TDRD3: variants seen among roughly 807,000 people sequenced by gnomAD.
The protein encoded by TDRD3 is tudor domain-containing protein 3.
A neutral mutation model predicts 86.7 loss-of-function variants in TDRD3; 45 were observed. The observed-to-expected ratio is 0.52, with a 90% CI of 0.41 to 0.67. The LOEUF is 0.67. Ranked by LOEUF, TDRD3 falls within the 30% of genes least tolerant of loss-of-function variation. The probability of loss-of-function intolerance (pLI) is 0.00; values close to 1 mark genes in which losing one functional copy is unlikely to be tolerated. For synonymous variants in TDRD3, 298 were observed against 301.7 expected (o/e 0.99, Z 0.13); for missense variants, 814 against 889.0 (o/e 0.92, Z 1.07).
chr13:60,408,188 G>C (rs1954279357), intron 1 of TDRD3, among the ~76,000 whole-genome samples: 1 of 152,150 alleles, frequency 6.6e-6, no homozygotes, highest in Admixed American at 6.6e-5. Context: ...TGTAAAAAGT[G>C]CCTTTCACCT....
At chr13:60,440,573 C>T (rs1461262799) in intron 2 of TDRD3, among the ~76,000 whole-genome samples, 3 of 151,852 alleles carry the variant, frequency 2.0e-5, no homozygotes, top group Admixed American at 1.3e-4. Context: ...TCCAGCTACT[C>T]GGGAGGCTGA....
chr13:60,404,537 C>T (rs1257388895), intron 1 of TDRD3, among the ~76,000 whole-genome samples: 1 of 151,792 alleles, frequency 6.6e-6, no homozygotes, highest in Non-Finnish European at 1.5e-5. Context: ...GTCTCGATCT[C>T]CTGACCTCGT....
intron 8 of TDRD3, among the ~76,000 whole-genome samples, chr13:60,504,488 C>T (rs547405121): frequency 7.2e-5 from 11 of 152,338 alleles, no homozygotes; most frequent in Admixed American, 1.3e-4. Flanking sequence ...AACCTAGTAT[C>T]TGACTTGTAT....
At chr13:60,408,307 T>G (rs1671514465) in intron 1 of TDRD3, among the ~76,000 whole-genome samples, 1 of 152,198 alleles carries the variant, frequency 6.6e-6, no homozygotes, top group Admixed American at 6.5e-5. Context: ...GAAAAAGAAC[T>G]AATATAGTAA....
intron 1 of TDRD3, among the ~76,000 whole-genome samples, chr13:60,414,111 C>T (rs1185188639): frequency 6.6e-6 from 1 of 151,726 alleles, no homozygotes; most frequent in Non-Finnish European, 1.5e-5. Flanking sequence ...TTGCCCTCCT[C>T]AAAAATTAAA....
intron 1 of TDRD3, among the ~76,000 whole-genome samples, chr13:60,411,467 T>C (rs1287773493): frequency 6.6e-6 from 1 of 152,224 alleles, no homozygotes; most frequent in Non-Finnish European, 1.5e-5. Context: ...TTAAGCAAAA[T>C]GCAAAAGCAG....
At chr13:60,476,335 A>C (rs1432690749) in intron 5 of TDRD3, among the ~76,000 whole-genome samples, 4 of 152,186 alleles carry the variant, frequency 2.6e-5, no homozygotes, top group Non-Finnish European at 5.9e-5. Flanking sequence ...AGCTGTGTCA[A>C]AGATCAGGCG....
At chr13:60,531,299 C>T (rs773170374) in intron 11 of TDRD3, among the ~76,000 whole-genome samples, 43 of 152,136 alleles carry the variant, frequency 2.8e-4, no homozygotes, top group Non-Finnish European at 4.7e-4. Flanking sequence ...GACTACTTTC[C>T]AAAATTCAGG....
chr13:60,472,180 A>G (rs978166150), intron 5 of TDRD3, among the ~76,000 whole-genome samples: 1 of 152,056 alleles, frequency 6.6e-6, no homozygotes, highest in Non-Finnish European at 1.5e-5. Flanking sequence ...ATTGATTTTT[A>G]TATGTCGAAG....
At chr13:60,461,618 A>C (rs957458273) in intron 4 of TDRD3, among the ~76,000 whole-genome samples, 2 of 152,144 alleles carry the variant, frequency 1.3e-5, no homozygotes, top group Admixed American at 1.3e-4. Flanking sequence ...TTTTCTCTTG[A>C]GCAGGCATTT....
At chr13:60,451,729 C>T (rs958243677) in intron 3 of TDRD3, among the ~76,000 whole-genome samples, 1 of 152,074 alleles carries the variant, frequency 6.6e-6, no homozygotes, top group Non-Finnish European at 1.5e-5. Context: ...ATGTTACCTT[C>T]AGTATTGTAT....
chr13:60,406,053 T>A (rs996837904), intron 1 of TDRD3, among the ~76,000 whole-genome samples: 3 of 152,158 alleles, frequency 2.0e-5, no homozygotes, highest in African/African-American at 7.2e-5. Flanking sequence ...ACGGTCGCAT[T>A]TTTGGGGGTT....
At position 60,406,179 on chromosome 13, in the gene TDRD3, G is replaced by C. The variant is rs141601692; in HGVS notation, c.41+8774G>C. ...GCACTCAGAAGAGAAGACTGGGCTA[G>C]AGATAAATTTGGAGTCATTCCAGTA... On this transcript the variant is annotated intron_variant, in intron 1 of 13. Coordinates refer to ENST00000377881, the MANE Select transcript of TDRD3 (RefSeq NM_001146070.2). Among the ~76,000 whole-genome samples, 1,412 of 152,254 alleles carry C rather than the reference G, an allele frequency of 9.3e-3. 11 individuals carry two copies. Among genetic ancestry groups the C allele is most frequent in the Middle Eastern group, 0.041 (12 of 294 alleles).
At position 60,524,823 on chromosome 13, in the gene TDRD3, G is replaced by A. The variant is rs528974964; in HGVS notation, c.1142-3544G>A. ...TTTAAAAAACACAATTTTCGGCCAG[G>A]CGCAGTGGCTCACACCTGTAATCCG... On this transcript the variant is annotated intron_variant, in intron 10 of 13. Coordinates refer to ENST00000377881, the MANE Select transcript of TDRD3 (RefSeq NM_001146070.2). Among the ~76,000 whole-genome samples the A allele has an allele frequency of 2.0e-4, 30 of 151,774 alleles. No homozygotes were observed. In the South Asian group the frequency reaches 6.0e-3, roughly 31 times the overall value.
chr13:60,413,479 A>G (rs1329421429), intron 1 of TDRD3, among the ~76,000 whole-genome samples: 1 of 152,202 alleles, frequency 6.6e-6, no homozygotes, highest in Non-Finnish European at 1.5e-5. Context: ...TTGCTTATCT[A>G]TAAAATGGTG....
intron 8 of TDRD3, among the ~76,000 whole-genome samples, chr13:60,507,690 T>C (rs1387598292): frequency 6.6e-6 from 1 of 151,984 alleles, no homozygotes; most frequent in African/African-American, 2.4e-5. Flanking sequence ...TTTAAAGCAA[T>C]TTGTAGAGGG....
At chr13:60,499,733 G>A (rs139574259) in intron 8 of TDRD3, among the ~76,000 whole-genome samples, 17 of 152,306 alleles carry the variant, frequency 1.1e-4, no homozygotes, top group Admixed American at 4.6e-4. Flanking sequence ...GGTGTGGGGC[G>A]TGTTGAGATA....
At chr13:60,424,178 T>C (rs751796240) in intron 1 of TDRD3, among the ~76,000 whole-genome samples, 6 of 151,444 alleles carry the variant, frequency 4.0e-5, no homozygotes, top group East Asian at 4.0e-4. Flanking sequence ...CCCGCCACCA[T>C]GCCCGGCTAA....
Position 60,419,094 on chromosome 13 carries a change from A to G in TDRD3, c.42-20594A>G, listed in dbSNP as rs1047740825. On this transcript the variant is annotated intron_variant, in intron 1 of 13. Coordinates refer to ENST00000377881, the MANE Select transcript of TDRD3 (RefSeq NM_001146070.2). Reference sequence around the variant, plus strand: ...GAGTGAAATTGCTGGGCCATAGGGCACATTTTTGTTTAACTTTATAGGAAA... The same window carrying G: ...GAGTGAAATTGCTGGGCCATAGGGCGCATTTTTGTTTAACTTTATAGGAAA... 2.6e-5 allele frequency among the ~76,000 whole-genome samples: 4 copies of G among 152,332 alleles called. No individual in the cohort carries two copies. In the East Asian group the frequency reaches 7.7e-4, roughly 29 times the overall value.
Sources: gnomAD v4.1 joint callset for allele counts (sites outside exome capture counted in the v4.1 genomes callset) on GRCh38, gnomAD v4.1.1 for gene constraint, MANE v1.5 for transcripts, NCBI Gene and HGNC (gene_info 2026-07-23, HGNC 2026-07-21) for gene names.